Variants in COL22A1 observed in about 807,000 individuals in gnomAD.
COL22A1 encodes collagen alpha-1(XXII) chain.
A neutral mutation model predicts 248.9 loss-of-function variants in COL22A1; 221 were observed. The observed-to-expected ratio is 0.89, with a 90% confidence interval of 0.80 to 0.99. The LOEUF is 0.99. COL22A1 is among the 50% of genes least tolerant of loss of function. The pLI is 0.00. For synonymous variants in COL22A1, 891 were observed against 793.4 expected, an observed-to-expected ratio of 1.12 and a Z score of -2.07; for missense variants, 2,240 against 2,179.0, an observed-to-expected ratio of 1.03 and a Z score of -0.56.
In COL22A1 at chr8:138,878,005, C is replaced by T. The variant is rs888174754; in HGVS notation, c.403G>A (p.Gly135Ser). Reference protein sequence around the residue: ...TARSFSPHAGGRPRDRAYKQV... With the variant: ...TARSFSPHAGSRPRDRAYKQV... ...TTGTAGGCGCGGTCCCTGGGGCGGC[C>T]GCCGGCGTGTGGGGAGAAGCTGCGG... The change falls in exon 3 of 65, where the codon GGC becomes AGC. Residue 135 changes from glycine to serine, a missense_variant. Coordinates refer to ENST00000303045, the MANE Select transcript of COL22A1 (RefSeq NM_152888.3). The T allele has an allele frequency of 2.5e-6, 4 of 1,582,348 alleles. No individual in the cohort carries two copies. Among genetic ancestry groups the T allele is most frequent in the Non-Finnish European group, 3.4e-6 (4 of 1,164,528 alleles).
chr8:138,762,541 T>C, intron 16 of COL22A1, 75 bp from the exon 17 acceptor site: 1 of 1,393,300 alleles, frequency 7.2e-7, no homozygotes, highest in Non-Finnish European at 1.0e-6. Flanking sequence ...ATCCCCACAG[T>C]GACCGTCATG....
At chr8:138,723,759 A>G (rs1351595941) in intron 25 of COL22A1, among the ~76,000 whole-genome samples, 1 of 152,158 alleles carries the variant, frequency 6.6e-6, no homozygotes, top group African/African-American at 2.4e-5. Context: ...CATGTCCAGT[A>G]CCCTTTGGCA....
At chr8:138,844,875 G>A (rs1318370052) in intron 3 of COL22A1, among the ~76,000 whole-genome samples, 2 of 151,424 alleles carry the variant, frequency 1.3e-5, no homozygotes, top group Non-Finnish European at 2.9e-5. Context: ...GTGTGAATCC[G>A]GGAGGCGGAG....
At chr8:138,712,169 G>A (rs926172033) in intron 30 of COL22A1, among the ~76,000 whole-genome samples, 7 of 152,172 alleles carry the variant, frequency 4.6e-5, no homozygotes, top group Non-Finnish European at 7.3e-5. Flanking sequence ...GTCCTTGTTG[G>A]ACTGGCAAAC....
Position 138,885,461 on chromosome 8 carries a change from C to A in COL22A1, c.-72-2217G>T, listed in dbSNP as rs995588155. 2.6e-5 allele frequency among the ~76,000 whole-genome samples: 4 copies of A among 152,340 alleles called. No homozygotes were observed. The South Asian group carries it at 8.3e-4, about 32-fold the overall frequency. ...CATTCTACATCAAGTCTAGGTGTCT[C>A]TGCTGCACCTGCAACCCCTTAGTCC... On this transcript the variant is annotated intron_variant, in intron 1 of 64. Coordinates refer to ENST00000303045, the MANE Select transcript of COL22A1 (RefSeq NM_152888.3).
At chr8:138,736,834 C>A (rs559834625) in intron 23 of COL22A1, among the ~76,000 whole-genome samples, 1 of 152,296 alleles carries the variant, frequency 6.6e-6, no homozygotes, top group South Asian at 2.1e-4. Flanking sequence ...CATCATTTTA[C>A]AGATGGGGAA....
chr8:138,788,373 C>G (rs1386830460), intron 12 of COL22A1, among the ~76,000 whole-genome samples: 1 of 152,094 alleles, frequency 6.6e-6, no homozygotes, highest in Non-Finnish European at 1.5e-5. Flanking sequence ...TGTGCTTGGT[C>G]CCAGGTGAAT....
At position 138,720,792 on chromosome 8, in the gene COL22A1, C is replaced by G; in HGVS notation, c.2302G>C (p.Gly768Arg). ...NGPPGPPGTK[G>R]EPGERGEDGL... ...TCTTCCCCTCTTTCTCCTGGTTCTC[C>G]CTGGAAGGAATACAGAGCAAAGTTA... The change falls in exon 27 of 65, where the codon GGA becomes CGA. Residue 768 changes from glycine to arginine, a missense_variant and splice_region_variant. Coordinates refer to ENST00000303045, the MANE Select transcript of COL22A1 (RefSeq NM_152888.3). The G allele has an allele frequency of 6.2e-7, 1 of 1,613,162 alleles. No homozygotes were observed. Among genetic ancestry groups the G allele is most frequent in the Non-Finnish European group, 8.5e-7 (1 of 1,179,168 alleles).
At position 138,862,040 on chromosome 8, in the gene COL22A1, A is replaced by AAG. The variant is rs1554647819; in HGVS notation, c.658+15709_658+15710insCT. On this transcript the variant is annotated intron_variant, in intron 3 of 64. Coordinates refer to ENST00000303045, the MANE Select transcript of COL22A1 (RefSeq NM_152888.3). ...CCTGTCTCTACTAAAAAAAAAAAAA[A>AAG]AAAAAAAGAAAAAAAGAAAAAAAGA... Among the ~76,000 whole-genome samples, 756 of 147,018 alleles carry AAG rather than the reference A, an allele frequency of 5.1e-3. 10 individuals carry two copies. Among genetic ancestry groups the AAG allele is most frequent in the African/African-American group, 0.019 (730 of 38,032 alleles).
At chr8:138,699,235 TCCTTCCTTCTC>T (rs1361888581) in intron 32 of COL22A1, among the ~76,000 whole-genome samples, 1 of 152,190 alleles carries the variant, frequency 6.6e-6, no homozygotes, top group Non-Finnish European at 1.5e-5. Context: ...AAGCACAAAA[TCCTTCCTTCTC>T]CTGCAGTGAT....
At chr8:138,749,802 C>T (rs1450498024) in intron 22 of COL22A1, among the ~76,000 whole-genome samples, 1 of 152,174 alleles carries the variant, frequency 6.6e-6, no homozygotes, top group Non-Finnish European at 1.5e-5. Context: ...AGACACCTAG[C>T]TTTGACCCAC....
chr8:138,877,978 G>C lies in COL22A1; in HGVS notation c.430C>G (p.Gln144Glu). Residue 144 changes from glutamine (Q) to glutamate (E), a missense_variant, in exon 3 of 65, where the codon CAG becomes GAG. Gln to Glu is a conservative substitution (Grantham distance 29). Coordinates refer to ENST00000303045, the MANE Select transcript of COL22A1 (RefSeq NM_152888.3). ...CCGTCGGTGAGCAGGATGGCCACCT[G>C]CTTGTAGGCGCGGTCCCTGGGGCGG... ...GGRPRDRAYK[Q>E]VAILLTDGRS... The C allele has an allele frequency of 6.3e-7, 1 of 1,588,864 alleles. No individual in the cohort carries two copies. Among genetic ancestry groups the C allele is most frequent in the South Asian group, 1.1e-5 (1 of 87,950 alleles).
intron 56 of COL22A1, among the ~76,000 whole-genome samples, chr8:138,612,356 A>G (rs1818931935): frequency 6.6e-6 from 1 of 152,138 alleles, no homozygotes; most frequent in Non-Finnish European, 1.5e-5. Context: ...CTAAATATCT[A>G]TTTTGGACCT....
At chr8:138,835,699 A>G (rs1335633146) in intron 4 of COL22A1, among the ~76,000 whole-genome samples, 1 of 152,170 alleles carries the variant, frequency 6.6e-6, no homozygotes, top group African/African-American at 2.4e-5. Flanking sequence ...TGTGGGGGAG[A>G]GAACACCCAG....
Position 138,694,861 on chromosome 8 carries a change from CT to C in COL22A1, c.2610del (p.Gly871GlufsTer131). ...HPRMPGEQGP[K>X]GEKGDPGLPG... The stretch of plus-strand genomic sequence containing the variant: ...GGCAGGCCTGGATCGCCCTTCTCTC[CT>C]TTGGGCCCTTGTTCTCCCTGTTGGT... On this transcript the variant is annotated frameshift_variant, in exon 33 of 65. Transcript: ENST00000303045. LOFTEE classifies it high-confidence loss of function. 1.2e-6 allele frequency: 2 copies of C among 1,614,062 alleles called. No homozygotes were observed. Among genetic ancestry groups the C allele is most frequent in the Non-Finnish European group, 1.7e-6 (2 of 1,179,984 alleles).
At chr8:138,805,007 G>A (rs1019638973) in intron 10 of COL22A1, among the ~76,000 whole-genome samples, 2 of 147,812 alleles carry the variant, frequency 1.4e-5, no homozygotes, top group Non-Finnish European at 3.0e-5. Context: ...GTAGGCAATG[G>A]TGTGTGGTGG....
At chr8:138,813,434 CAAGT>C (rs779389168) in intron 7 of COL22A1, among the ~76,000 whole-genome samples, 9 of 152,164 alleles carry the variant, frequency 5.9e-5, no homozygotes, top group Non-Finnish European at 1.3e-4. Context: ...TGACTGCCAC[CAAGT>C]AAGATGTCTC....
chr8:138,879,912 G>C (rs1054926468), intron 2 of COL22A1, among the ~76,000 whole-genome samples: 2 of 152,094 alleles, frequency 1.3e-5, no homozygotes, highest in Non-Finnish European at 2.9e-5. Context: ...TCTGGTAGTG[G>C]CTGGGTGCAC....
At position 138,597,953 on chromosome 8, in the gene COL22A1, C is replaced by T. The variant is rs563007563; in HGVS notation, c.4365+766G>A. 1.2e-4 allele frequency among the ~76,000 whole-genome samples: 18 copies of T among 152,192 alleles called. No homozygotes were observed. The South Asian group carries it at 2.5e-3, about 21-fold the overall frequency. On this transcript the variant is annotated intron_variant, in intron 61 of 64. Transcript: ENST00000303045. ...GCTGACCACAGCCACCAGGAACTGA[C>T]GCGACTGCAGAGCATCAGAAGTGGC...
Sources: allele counts gnomAD v4.1 joint callset (sites outside exome capture counted in the v4.1 genomes callset), GRCh38; gene constraint gnomAD v4.1.1; transcripts MANE v1.5; gene names NCBI Gene and HGNC (gene_info 2026-07-23, HGNC 2026-07-21).